The following PCDH15 variants were observed in gnomAD, a reference collection of about 807,000 sequenced individuals.
The protein encoded by PCDH15 is protocadherin related 15.
PCDH15 carries 129 observed loss-of-function variants against 178.5 expected under a neutral mutation model. The ratio of observed to expected loss-of-function variants is 0.72; its 90% CI spans 0.63 to 0.84. The LOEUF (loss-of-function observed/expected upper bound fraction) is 0.84, where lower values mean the gene tolerates loss of function less well. PCDH15 is among the 40% of genes least tolerant of loss of function. PCDH15 has a pLI of 0.00. For missense variants in PCDH15, 2,230 were observed against 2,099.9 expected, an observed-to-expected ratio of 1.06 and a Z score of -1.21; for synonymous variants, 800 against 732.0, an observed-to-expected ratio of 1.09 and a Z score of -1.50.
chr10:55,398,480 G>A (rs543783619), intron 2 of PCDH15, among the ~76,000 whole-genome samples: 3 of 152,092 alleles, frequency 2.0e-5, no homozygotes, highest in Non-Finnish European at 2.9e-5. Flanking sequence ...GTTGCTAGTT[G>A]CAAGGTTTCT....
chr10:53,808,300 A>T, intron 37 of PCDH15: 2 of 463,700 alleles, frequency 4.3e-6, no homozygotes, highest in Non-Finnish European at 5.6e-6. Context: ...ATTTTGAAAG[A>T]TGATATAAAA....
chr10:55,062,286 A>G (rs1195458167), intron 2 of PCDH15, among the ~76,000 whole-genome samples: 3 of 152,180 alleles, frequency 2.0e-5, no homozygotes, highest in Non-Finnish European at 4.4e-5. Context: ...AGTACTCTCT[A>G]TGAATCAGAA....
chr10:54,294,310 G>A (rs2059607708), intron 8 of PCDH15, among the ~76,000 whole-genome samples: 1 of 151,526 alleles, frequency 6.6e-6, no homozygotes, highest in African/African-American at 2.4e-5. Context: ...ACTGGGGCCT[G>A]TCAGAGGGTG....
At position 54,120,519 on chromosome 10, in the gene PCDH15, C is replaced by G. The variant is rs555605886; in HGVS notation, c.1917+12356G>C. ...ACCAAGATCCATATGGCTGCTGTCT[C>G]CAAGAGACCCACCTTATATGTAATG... is the stretch of plus-strand genomic sequence containing the variant. On this transcript the variant is annotated intron_variant, in intron 15 of 37. Transcript: ENST00000644397. Among the ~76,000 whole-genome samples the G allele has an allele frequency of 1.1e-3, 163 of 152,114 alleles. 1 individual carries two copies. The highest frequency in any genetic ancestry group is 3.7e-3 in the African/African-American group (152 of 41,516).
chr10:55,160,807 T>C (rs1217010173), intron 2 of PCDH15, among the ~76,000 whole-genome samples: 1 of 152,152 alleles, frequency 6.6e-6, no homozygotes, highest in Non-Finnish European at 1.5e-5. Flanking sequence ...TTTTCTCCTC[T>C]GTAGCACTGC....
Position 54,145,684 on chromosome 10 carries a change from TAAAGA to T in PCDH15, c.1784+7411_1784+7415del, listed in dbSNP as rs1303052502. On this transcript the variant is annotated intron_variant, in intron 14 of 37. Coordinates refer to ENST00000644397, the MANE Select transcript of PCDH15 (RefSeq NM_001384140.1). ...ACTCACATGTCAATTTACAGAAGAT[TAAAGA>T]AAAGAAATGTATGTTTTGTGGAACT... Among the ~76,000 whole-genome samples the T allele has an allele frequency of 3.3e-5, 5 of 152,136 alleles. No homozygotes were observed. The South Asian group carries it at 6.2e-4, about 19-fold the overall frequency.
chr10:54,848,655 G>A (rs919288328), intron 3 of PCDH15, among the ~76,000 whole-genome samples: 1 of 152,144 alleles, frequency 6.6e-6, no homozygotes, highest in African/African-American at 2.4e-5. Flanking sequence ...TTTCAGTTAT[G>A]CTGCTATATG....
Position 54,022,928 on chromosome 10 carries a change from C to T in PCDH15, c.2490G>A (p.Glu830=). 6.2e-7 allele frequency: 1 copy of T among 1,613,904 alleles called. No individual in the cohort carries two copies. The highest frequency in any genetic ancestry group is 8.5e-7 in the Non-Finnish European group (1 of 1,179,852). ...GGATGGTAGTCCCAGCTGGCAAATT[C>T]TCTTCAACAAGGACAGTGTATGTTG... ...TNSTYTVLVE[E]NLPAGTTILQ... is the part of the protein sequence containing the mutation. Residue 830 remains glutamate (E), a synonymous_variant, in exon 19 of 38, where the codon GAG becomes GAA. Transcript: ENST00000644397.
chr10:54,327,429 A>G (rs916539837), intron 7 of PCDH15, among the ~76,000 whole-genome samples: 2 of 149,294 alleles, frequency 1.3e-5, no homozygotes, highest in Non-Finnish European at 3.0e-5. Flanking sequence ...AATACATATA[A>G]CATCTTATAA....
At position 55,454,911 on chromosome 10, in the gene PCDH15, AAT is replaced by A. The variant is rs1839517772; in HGVS notation, c.-156+172712_-156+172713del. On this transcript the variant is annotated intron_variant, in intron 2 of 5. Coordinates refer to the PCDH15 transcript ENST00000613346. ...TTTTCCTGAGTTTTATTACGAAATT[AAT>A]AGAGTATATATAAATAAATATACAT... 3.9e-5 allele frequency among the ~76,000 whole-genome samples: 6 copies of A among 152,204 alleles called. No homozygotes were observed. The South Asian group carries it at 1.0e-3, about 26-fold the overall frequency.
At chr10:53,971,978 A>G (rs2089735908) in intron 21 of PCDH15, among the ~76,000 whole-genome samples, 1 of 150,912 alleles carries the variant, frequency 6.6e-6, no homozygotes, top group Non-Finnish European at 1.5e-5. Context: ...CCCACAGCCA[A>G]GACAATCCTA....
chr10:53,970,654 T>C (rs1340803989), intron 21 of PCDH15, among the ~76,000 whole-genome samples: 1 of 152,074 alleles, frequency 6.6e-6, no homozygotes, highest in African/African-American at 2.4e-5. Context: ...GAGAATACTA[T>C]AAACACCTCT....
At chr10:53,991,979 G>A (rs1334405924) in intron 21 of PCDH15, among the ~76,000 whole-genome samples, 2 of 152,064 alleles carry the variant, frequency 1.3e-5, no homozygotes, top group South Asian at 4.1e-4. Context: ...CCACCCTGTG[G>A]AAGCGTTGTT....
At chr10:53,830,430 G>A (rs1275574551) in intron 30 of PCDH15, among the ~76,000 whole-genome samples, 2 of 151,954 alleles carry the variant, frequency 1.3e-5, no homozygotes, top group Non-Finnish European at 2.9e-5. Context: ...TAATTTACAT[G>A]ATTTATTATT....
chr10:54,090,003 C>T lies in PCDH15; in HGVS notation c.1978G>A (p.Val660Ile). The change falls in exon 16 of 38, where the codon GTT becomes ATT. Residue 660 changes from valine to isoleucine, a missense_variant. Coordinates refer to ENST00000644397, the MANE Select transcript of PCDH15 (RefSeq NM_001384140.1). Reference protein sequence around the residue: ...YAIENGDPQRVFNLSETTGIL... With the variant: ...YAIENGDPQRIFNLSETTGIL... ...ACTTACGTTTCTGAAAGATTAAAAA[C>T]TCTCTGAGGATCTCCATTCTCAATG... 6.2e-7 allele frequency: 1 copy of T among 1,611,676 alleles called. No homozygotes were observed. Among genetic ancestry groups the T allele is most frequent in the East Asian group, 2.2e-5 (1 of 44,778 alleles).
intron 10 of PCDH15, among the ~76,000 whole-genome samples, chr10:54,199,833 T>G (rs1171484901): frequency 6.6e-6 from 1 of 152,074 alleles, no homozygotes; most frequent in Non-Finnish European, 1.5e-5. Flanking sequence ...AGTTACGAGT[T>G]AAACATTATA....
chr10:55,405,273 T>C (rs572239273), intron 2 of PCDH15, among the ~76,000 whole-genome samples: 2 of 145,492 alleles, frequency 1.4e-5, no homozygotes, highest in South Asian at 4.3e-4. Context: ...ATATGTAGTG[T>C]GAGGTAACAG....
intron 1 of PCDH15, among the ~76,000 whole-genome samples, chr10:55,242,827 G>A (rs1423232065): frequency 6.6e-6 from 1 of 152,102 alleles, no homozygotes; most frequent in East Asian, 1.9e-4. Context: ...GCAACAGAGC[G>A]AAACTCTGTC....
At chr10:53,978,601 GCTC>G (rs1188903365) in intron 21 of PCDH15, among the ~76,000 whole-genome samples, 1 of 151,608 alleles carries the variant, frequency 6.6e-6, no homozygotes, top group Non-Finnish European at 1.5e-5. Context: ...GTAACATTTG[GCTC>G]CTCATTACTT....
Sources: allele counts gnomAD v4.1 joint callset (sites outside exome capture counted in the v4.1 genomes callset), GRCh38; gene constraint gnomAD v4.1.1; transcripts MANE v1.5; gene names NCBI Gene and HGNC (gene_info 2026-07-23, HGNC 2026-07-21).